DNAH9: variants seen among roughly 807,000 people sequenced by gnomAD.
DNAH9 encodes the protein DNAH9 variant protein.
A neutral mutation model predicts 471.6 loss-of-function variants in DNAH9; 345 were observed. The observed-to-expected ratio is 0.73, with a 90% CI of 0.67 to 0.80. The LOEUF (loss-of-function observed/expected upper bound fraction) is 0.80. DNAH9 is among the 30% of genes least tolerant of loss of function. The probability of loss-of-function intolerance (pLI) is 0.00; values close to 1 mark genes in which losing one functional copy is unlikely to be tolerated. For synonymous variants in DNAH9, 2,093 were observed against 2,123.6 expected, an observed-to-expected ratio of 0.99 and a Z score of 0.40; for missense variants, 5,407 against 5,609.2, an observed-to-expected ratio of 0.96 and a Z score of 1.15.
intron 48 of DNAH9, among the ~76,000 whole-genome samples, chr17:11,823,318 A>C (rs1489613558): frequency 6.6e-6 from 1 of 152,130 alleles, no homozygotes; most frequent in Non-Finnish European, 1.5e-5. Context: ...TCCCCAGCAG[A>C]AGTGCATATG....
In DNAH9 at chr17:11,623,921, G is replaced by A. The variant is rs1367471629; in HGVS notation, c.1350+4140G>A. 1.3e-5 allele frequency among the ~76,000 whole-genome samples: 2 copies of A among 152,116 alleles called. No individual in the cohort carries two copies. The highest frequency in any genetic ancestry group is 4.8e-5 in the African/African-American group (2 of 41,424). Reference sequence around the variant, plus strand: ...ATTCTTTCACTCTTTTTGCACAAGAGAATTTTGTTGTGCACATCCACTCTT... The same window carrying A: ...ATTCTTTCACTCTTTTTGCACAAGAAAATTTTGTTGTGCACATCCACTCTT... On this transcript the variant is annotated intron_variant, in intron 6 of 68. Transcript: ENST00000262442. The surrounding 1 kb of genome is among the most constrained non-coding windows in gnomAD (Gnocchi z 4.1).
rs967575902 is a variant in DNAH9 at position 11,690,070 on chromosome 17, T to G, written c.4248T>G (p.Tyr1416Ter). ...TGCTGCAGCTCCAGCTGCACCACTA[T>G]GAGGATGAGGTCCGGGGCATTGTGG... ...AHLLQLQLHH[Y>*]EDEVRGIVDK... The change falls in exon 20 of 69, where the codon TAT becomes TAG. Residue 1416 changes from tyrosine to a stop codon, truncating the protein, a stop_gained. Coordinates refer to ENST00000262442, the MANE Select transcript of DNAH9 (RefSeq NM_001372.4). LOFTEE classifies it high-confidence loss of function. The G allele has an allele frequency of 1.2e-6, 2 of 1,614,168 alleles. No homozygotes were observed. The highest frequency in any genetic ancestry group is 1.7e-6 in the Non-Finnish European group (2 of 1,180,030).
At chr17:11,609,470 C>A (rs922529355) in intron 2 of DNAH9, among the ~76,000 whole-genome samples, 7 of 152,062 alleles carry the variant, frequency 4.6e-5, no homozygotes. Context: ...TGATAATTTC[C>A]CAAAAGACTG....
At chr17:11,954,435 G>A (rs1975536205) in intron 67 of DNAH9, among the ~76,000 whole-genome samples, 2 of 151,958 alleles carry the variant, frequency 1.3e-5, no homozygotes, top group South Asian at 2.1e-4. Context: ...GCAGCAAGAG[G>A]AGAAAAATAA....
At chr17:11,642,458 A>G (rs1026445287) in intron 10 of DNAH9, among the ~76,000 whole-genome samples, 13 of 152,316 alleles carry the variant, frequency 8.5e-5, no homozygotes, top group African/African-American at 3.1e-4. Context: ...ACGCTGAGGC[A>G]GGAGAATCAC....
intron 15 of DNAH9, among the ~76,000 whole-genome samples, chr17:11,667,120 G>GA (rs2073885564): frequency 6.6e-6 from 1 of 152,106 alleles, no homozygotes; most frequent in African/African-American, 2.4e-5. Flanking sequence ...CAACATATGG[G>GA]ACAAAAATCT....
rs972944612 is a variant in DNAH9, at chr17:11,892,726, G to T, written c.11283+779G>T. Among the ~76,000 whole-genome samples, 6 of 151,826 alleles carry T rather than the reference G, an allele frequency of 4.0e-5. No homozygotes were observed. The highest frequency in any genetic ancestry group is 1.5e-4 in the African/African-American group (6 of 41,310). ...CCACCAGGCCCAGCGAATTTTTTTT[G>T]TATTTTAAGTAGAGATGGGGTTTCA... On this transcript the variant is annotated intron_variant, in intron 58 of 68. Coordinates refer to ENST00000262442, the MANE Select transcript of DNAH9 (RefSeq NM_001372.4). This position sits in a 1 kb window ranked among gnomAD's most constrained non-coding sequence, Gnocchi z 4.3.
rs777605036 is a variant in DNAH9 at position 11,744,884 on chromosome 17, G to T, written c.6199G>T (p.Asp2067Tyr). 1.1e-5 allele frequency: 18 copies of T among 1,614,196 alleles called. No homozygotes were observed. The highest frequency in any genetic ancestry group is 1.5e-5 in the Non-Finnish European group (18 of 1,180,024). Residue 2067 changes from aspartate (D) to tyrosine (Y), a missense_variant, in exon 31 of 69, where the codon GAC (aspartate) becomes TAC (tyrosine). This residue lies in a region of DNAH9 where 4,636 missense variants were observed against 4,900.3 expected (regional missense o/e 0.95). Transcript: ENST00000262442. ...LKRGDPDRPEDQVLMRSLRDF... is the reference protein window; with the variant it reads ...LKRGDPDRPEYQVLMRSLRDF... ...GAGAGGAGACCCTGACCGGCCTGAG[G>T]ACCAGGTCCTGATGCGCTCCTTGCG...
rs549751177 is a variant in DNAH9, at chr17:11,760,810, G to A, written c.6996-2630G>A. Among the ~76,000 whole-genome samples, 16 of 152,294 alleles carry A rather than the reference G, an allele frequency of 1.1e-4. No homozygotes were observed. The East Asian group carries it at 1.4e-3, about 13-fold the overall frequency. ...TGGGATTACAGGCGTGAGCCGCCGC[G>A]CCCGGCGGATGTCTTTTCACTCTCA... On this transcript the variant is annotated intron_variant, in intron 35 of 68. Transcript: ENST00000262442.
At chr17:11,966,837 G>C (rs1225665182) in intron 68 of DNAH9, among the ~76,000 whole-genome samples, 1 of 151,780 alleles carries the variant, frequency 6.6e-6, no homozygotes, top group African/African-American at 2.4e-5. Flanking sequence ...GAGGTGGTTG[G>C]ATCACTTGAG....
At chr17:11,736,162 C>T (rs1034554459) in intron 28 of DNAH9, among the ~76,000 whole-genome samples, 1 of 152,274 alleles carries the variant, frequency 6.6e-6, no homozygotes, top group Middle Eastern at 3.4e-3. Flanking sequence ...GTTTCTTCAT[C>T]GGTAAAATGA....
At chr17:11,885,660 T>C (rs866496530) in intron 56 of DNAH9, among the ~76,000 whole-genome samples, 40 of 152,348 alleles carry the variant, frequency 2.6e-4, no homozygotes, top group African/African-American at 8.7e-4. Flanking sequence ...ATAATGTCCA[T>C]ATTTTATGCT....
chr17:11,925,724 C>G (rs906255613), intron 62 of DNAH9, among the ~76,000 whole-genome samples: 2 of 152,208 alleles, frequency 1.3e-5, no homozygotes, highest in African/African-American at 4.8e-5. Flanking sequence ...GATGTGGTTG[C>G]TCAGAGCTCT....
At position 11,742,027 on chromosome 17, in the gene DNAH9, G is replaced by A. The variant is rs2075439954; in HGVS notation, c.5973-148G>A. The A allele has an allele frequency of 6.0e-6, 4 of 667,218 alleles. No individual in the cohort carries two copies. The South Asian group carries it at 6.1e-5, about 10-fold the overall frequency. 41.3% of individuals were successfully genotyped at this position (667,218 alleles called of 1,614,324 possible). A position where few individuals can be genotyped will look rare whatever the true frequency, so the allele number is the denominator to read the frequency against. Reference sequence around the variant, plus strand: ...CACATAGAATAAATTGAAAGTCTTAGATGAAATAATGGCTCAGGTCTTTCC... The same window carrying A: ...CACATAGAATAAATTGAAAGTCTTAAATGAAATAATGGCTCAGGTCTTTCC... On this transcript the variant is annotated intron_variant, in intron 29 of 68. Coordinates refer to ENST00000262442, the MANE Select transcript of DNAH9 (RefSeq NM_001372.4).
chr17:11,794,799 T>C lies in DNAH9; in HGVS notation c.8223+1135T>C, dbSNP rs578039069. 2.1e-3 allele frequency among the ~76,000 whole-genome samples: 316 copies of C among 152,276 alleles called. 1 individual carries two copies. The highest frequency in any genetic ancestry group is 4.0e-3 in the Non-Finnish European group (271 of 68,030). ...GATACTTCTTGAAAAAGAGTCTCTG[T>C]CATGAAATGAGTTGAGAAAATGTTT... On this transcript the variant is annotated intron_variant, in intron 42 of 68. Coordinates refer to ENST00000262442, the MANE Select transcript of DNAH9 (RefSeq NM_001372.4).
At chr17:11,727,781 C>T (rs2075181224) in intron 27 of DNAH9, 37 bp from the exon 28 acceptor site, 1 of 1,417,190 alleles carries the variant, frequency 7.1e-7, no homozygotes. Context: ...ATAAGCCTGG[C>T]CCGTTGGTAA....
At chr17:11,649,460 T>G (rs1186091206) in intron 12 of DNAH9, among the ~76,000 whole-genome samples, 1 of 152,204 alleles carries the variant, frequency 6.6e-6, no homozygotes, top group Non-Finnish European at 1.5e-5. Context: ...TGATGACATC[T>G]TAAACTGGAT....
chr17:11,962,285 C>G lies in DNAH9; in HGVS notation c.13233+29C>G, dbSNP rs1430775982. ...AAGCTTGGAATGAACCAAAGGGCAG[C>G]TTTCTGGGGGCTGATTAAATACACA... On this transcript the variant is annotated intron_variant, in intron 68 of 68. Transcript: ENST00000262442. This position sits in a 1 kb window ranked among gnomAD's most constrained non-coding sequence, Gnocchi z 4.1. The G allele has an allele frequency of 2.6e-6, 4 of 1,549,540 alleles. No homozygotes were observed. The Admixed American group carries it at 5.9e-5, about 23-fold the overall frequency.
rs973783979 is a variant in DNAH9, at chr17:11,938,230, C to A, written c.12660+708C>A. On this transcript the variant is annotated intron_variant, in intron 66 of 68. Transcript: ENST00000262442. ...ATCCCAGCACTTTGGGAGGCCAAGGCGGGCAGATCATGAGGTCATGAGTTC... is the reference window on the plus strand; with the variant it reads ...ATCCCAGCACTTTGGGAGGCCAAGGAGGGCAGATCATGAGGTCATGAGTTC... 2.0e-5 allele frequency among the ~76,000 whole-genome samples: 3 copies of A among 151,834 alleles called. No individual in the cohort carries two copies. In the South Asian group the frequency reaches 6.2e-4, roughly 32 times the overall value.
Sources: allele counts gnomAD v4.1 joint callset (sites outside exome capture counted in the v4.1 genomes callset), GRCh38; gene constraint gnomAD v4.1.1; regional missense constraint gnomAD v4.1.1; non-coding constraint Gnocchi (gnomAD v3.1); transcripts MANE v1.5; gene names NCBI Gene and HGNC (gene_info 2026-07-23, HGNC 2026-07-21).